Variants in UGGT1 observed in about 807,000 individuals in gnomAD.
UGGT1 encodes UDP-glucose glycoprotein glucosyltransferase 1, also known as UDP-glucose:glycoprotein glucosyltransferase 1.
A neutral mutation model predicts 203.9 loss-of-function variants in UGGT1; 107 were observed. That is an observed-to-expected ratio of 0.52 (90% CI 0.45 to 0.62). UGGT1 has a LOEUF of 0.62. Among genes scored for constraint, UGGT1 ranks in the 20% least tolerant of loss-of-function variants. The probability of loss-of-function intolerance (pLI) is 0.00; values close to 1 mark genes in which losing one functional copy is unlikely to be tolerated. For synonymous variants in UGGT1, 628 were observed against 653.5 expected, an observed-to-expected ratio of 0.96 and a Z score of 0.59; for missense variants, 1,673 against 1,867.2, an observed-to-expected ratio of 0.90 and a Z score of 1.92.
At position 128,188,048 on chromosome 2, in the gene UGGT1, T is replaced by G. The variant is rs1282435496; in HGVS notation, c.4642+434T>G. 3.4e-5 allele frequency among the ~76,000 whole-genome samples: 5 copies of G among 146,342 alleles called. No individual in the cohort carries two copies. In the Admixed American group the frequency reaches 3.5e-4, roughly 10 times the overall value. ...TTTTTTTTTTTTTTTTGAGACAGAG[T>G]CTCACTCTGTTGCCCAGGCTGGAGT... is the stretch of plus-strand genomic sequence containing the variant. On this transcript the variant is annotated intron_variant, in intron 40 of 40. Coordinates refer to ENST00000259253, the MANE Select transcript of UGGT1 (RefSeq NM_020120.4).
In UGGT1 at chr2:128,194,000, G is replaced by C. The variant is rs573301778; in HGVS notation, c.*4258G>C. The C allele has an allele frequency of 6.6e-6, 1 of 152,302 alleles. No homozygotes were observed. The highest frequency in any genetic ancestry group is 2.1e-4 in the South Asian group (1 of 4,814). The allele number at this position is 152,302 out of a possible 1,614,324, so 9.4% of individuals were successfully genotyped here. A position where few individuals can be genotyped will look rare whatever the true frequency, so the allele number is the denominator to read the frequency against. ...CATTTCATGGGAATGGAAATGTATT[G>C]GTAAAGCTACCTGATGGAAGCTTTC... On this transcript the variant is annotated 3_prime_UTR_variant, in exon 41 of 41. Transcript: ENST00000259253.
chr2:128,148,655 G>A (rs1689805877), intron 18 of UGGT1, among the ~76,000 whole-genome samples: 1 of 152,136 alleles, frequency 6.6e-6, no homozygotes, highest in Non-Finnish European at 1.5e-5. Flanking sequence ...GATTTTCCCT[G>A]GGCATTCACG....
chr2:128,132,385 T>C (rs938581460), intron 13 of UGGT1, among the ~76,000 whole-genome samples: 2 of 152,178 alleles, frequency 1.3e-5, no homozygotes, highest in Admixed American at 1.3e-4. Flanking sequence ...CCACCTCTAC[T>C]AAAAGTACAA....
At chr2:128,145,417 C>T (rs1369832519) in intron 17 of UGGT1, among the ~76,000 whole-genome samples, 1 of 152,042 alleles carries the variant, frequency 6.6e-6, no homozygotes, top group African/African-American at 2.4e-5. Flanking sequence ...AGAATATTTC[C>T]ATCATTGCAG....
intron 3 of UGGT1, among the ~76,000 whole-genome samples, chr2:128,104,219 C>T (rs1393339117): frequency 6.6e-6 from 1 of 152,122 alleles, no homozygotes; most frequent in Non-Finnish European, 1.5e-5. Flanking sequence ...ATAAGTGGTA[C>T]CTTTGTTTTT....
chr2:128,153,497 C>A (rs1248672162), intron 19 of UGGT1, among the ~76,000 whole-genome samples: 1 of 152,094 alleles, frequency 6.6e-6, no homozygotes, highest in Admixed American at 6.5e-5. Flanking sequence ...ATTCCATGTA[C>A]CTATTAGTAG....
chr2:128,183,909 G>GGTGTGTGTGTGTGTGTGTGTGT (rs558911313), intron 38 of UGGT1, 120 bp downstream of exon 38: 4 of 340,396 alleles, frequency 1.2e-5, no homozygotes, highest in Admixed American at 7.7e-5. Context: ...GTTTTTTCAT[G>GGTGTGTGTGTGTGTGTGTGTGT]GTGTGTGTGT....
chr2:128,144,515 AG>A (rs1689586301), intron 17 of UGGT1, among the ~76,000 whole-genome samples: 1 of 152,214 alleles, frequency 6.6e-6, no homozygotes, highest in Non-Finnish European at 1.5e-5. Flanking sequence ...ATTGGTTGAC[AG>A]GGATGATTTT....
At chr2:128,186,637 AC>A (rs781574391) in intron 38 of UGGT1, 45 bp from the exon 39 acceptor site, 3 of 1,470,282 alleles carry the variant, frequency 2.0e-6, no homozygotes, top group Admixed American at 1.8e-5. Context: ...TATCGCCAGA[AC>A]TTTAGATACA....
chr2:128,120,307 C>T (rs1392677481), intron 8 of UGGT1, 49 bp from the exon 9 acceptor site: 9 of 1,564,972 alleles, frequency 5.8e-6, no homozygotes, highest in South Asian at 1.2e-5. Context: ...TTCTTATGCT[C>T]CGGGAAAGAA....
chr2:128,130,855 C>T (rs755485031), intron 13 of UGGT1, among the ~76,000 whole-genome samples: 7 of 151,950 alleles, frequency 4.6e-5, no homozygotes, highest in South Asian at 2.1e-4. Context: ...CAAATTCCTG[C>T]GGTCAAGCAA....
intron 38 of UGGT1, among the ~76,000 whole-genome samples, chr2:128,185,199 CTTTTT>C (rs1216222009): frequency 7.3e-6 from 1 of 136,264 alleles, no homozygotes; most frequent in Non-Finnish European, 1.6e-5. Context: ...TTGTTTCTCT[CTTTTT>C]TTTTTTTTTT....
At chr2:128,172,932 A>G (rs1691187319) in intron 29 of UGGT1, among the ~76,000 whole-genome samples, 170 bp downstream of exon 29, 1 of 152,188 alleles carries the variant, frequency 6.6e-6, no homozygotes, top group Non-Finnish European at 1.5e-5. Context: ...ATTAACGTGT[A>G]CAGTTGAGAG....
intron 15 of UGGT1, among the ~76,000 whole-genome samples, chr2:128,136,510 AG>A (rs2105437569): frequency 6.6e-6 from 1 of 152,312 alleles, no homozygotes; most frequent in African/African-American, 2.4e-5. Context: ...TGTGCATTTA[AG>A]CTTCCTCTGT....
chr2:128,141,890 C>T (rs912463967), intron 16 of UGGT1, among the ~76,000 whole-genome samples: 3 of 151,590 alleles, frequency 2.0e-5, no homozygotes, highest in African/African-American at 7.3e-5. Context: ...TTCCTCATCC[C>T]TCCTAAACAT....
At chr2:128,104,077 C>G in intron 3 of UGGT1, 63 bp downstream of exon 3, 1 of 1,324,024 alleles carries the variant, frequency 7.6e-7, no homozygotes, top group Non-Finnish European at 1.0e-6. Context: ...AAAAAATTGT[C>G]TCTTTATAGT....
At chr2:128,121,880 C>T (rs1230448645) in intron 10 of UGGT1, among the ~76,000 whole-genome samples, 1 of 152,210 alleles carries the variant, frequency 6.6e-6, no homozygotes, top group Non-Finnish European at 1.5e-5. Context: ...GTTTCCTCAG[C>T]AGTGGAACGA....
rs1278275343 is a variant in UGGT1 at position 128,120,429 on chromosome 2, G to A, written c.946G>A (p.Ala316Thr). Residue 316 changes from alanine to threonine, a missense_variant, in exon 9 of 41, where the codon GCA (alanine) becomes ACA (threonine). Ala to Thr is a moderately conservative substitution (Grantham distance 58). This residue lies in a region of UGGT1 where 1,073 missense variants were observed against 1,078.7 expected (regional missense o/e 0.99). Coordinates refer to ENST00000259253, the MANE Select transcript of UGGT1 (RefSeq NM_020120.4). Reference sequence around the variant, plus strand: ...TCTTGTAGAGAGCACCAATGAAATGGCACCTTTAAAGGTTTGGCAGTTGCA... The same window carrying A: ...TCTTGTAGAGAGCACCAATGAAATGACACCTTTAAAGGTTTGGCAGTTGCA... ...KHLVESTNEM[A>T]PLKVWQLQDL... The A allele has an allele frequency of 1.2e-6, 2 of 1,613,904 alleles. No homozygotes were observed. The highest frequency in any genetic ancestry group is 2.2e-5 in the South Asian group (2 of 91,042).
At chr2:128,169,844 G>A (rs539179509) in intron 26 of UGGT1, among the ~76,000 whole-genome samples, 2 of 152,342 alleles carry the variant, frequency 1.3e-5, no homozygotes, top group African/African-American at 2.4e-5. Flanking sequence ...ACGTAGAGAT[G>A]CAGCTAAGTG....
Sources: allele counts gnomAD v4.1 joint callset (sites outside exome capture counted in the v4.1 genomes callset), GRCh38; gene constraint gnomAD v4.1.1; regional missense constraint gnomAD v4.1.1; transcripts MANE v1.5; gene names NCBI Gene and HGNC (gene_info 2026-07-23, HGNC 2026-07-21).